The following RGS12 variants were observed in gnomAD, a reference collection of about 807,000 sequenced individuals.
The protein encoded by RGS12 is regulator of G-protein signaling 12.
In RGS12, 66 loss-of-function variants were observed where a neutral mutation model predicts 120.1. The observed-to-expected ratio is 0.55, with a 90% CI of 0.45 to 0.67. The LOEUF is 0.67. Among genes scored for constraint, RGS12 ranks in the 30% least tolerant of loss-of-function variants. The pLI is 0.00. For missense variants in RGS12, 1,859 were observed against 1,957.7 expected, an observed-to-expected ratio of 0.95 and a Z score of 0.95; for synonymous variants, 827 against 804.7, an observed-to-expected ratio of 1.03 and a Z score of -0.47.
At chr4:3,310,710 C>T (rs978008385) in intron 1 of RGS12, among the ~76,000 whole-genome samples, 8 of 150,430 alleles carry the variant, frequency 5.3e-5, no homozygotes, top group Middle Eastern at 3.4e-3. Context: ...GGTGGGTGTT[C>T]GGCAGCTGTG....
At position 3,425,573 on chromosome 4, in the gene RGS12, G is replaced by A. The variant is rs769639262; in HGVS notation, c.3331+13G>A. On this transcript the variant is annotated intron_variant, in intron 14 of 17. Coordinates refer to ENST00000336727, the MANE Select transcript of RGS12 (RefSeq NM_001394154.1). ...TCCAGAGGAAAGGGTGAGTAGGGCTGGTGCAGCGGATGGGGAGAGGGTGAG... is the reference window on the plus strand; with the variant it reads ...TCCAGAGGAAAGGGTGAGTAGGGCTAGTGCAGCGGATGGGGAGAGGGTGAG... 3.0e-5 allele frequency: 48 copies of A among 1,601,102 alleles called. No individual in the cohort carries two copies. Among genetic ancestry groups the A allele is most frequent in the Admixed American group, 8.4e-5 (5 of 59,278 alleles).
chr4:3,403,375 G>T (rs1232051861), intron 4 of RGS12, among the ~76,000 whole-genome samples: 1 of 152,190 alleles, frequency 6.6e-6, no homozygotes, highest in Non-Finnish European at 1.5e-5. Flanking sequence ...CCTCTGCAGG[G>T]CTGTGAGGTC....
chr4:3,297,375 G>C (rs937684138), intron 1 of RGS12, among the ~76,000 whole-genome samples: 5 of 152,212 alleles, frequency 3.3e-5, no homozygotes, highest in African/African-American at 9.7e-5. Flanking sequence ...TAAGTGGTCT[G>C]TTTTCTCAGG....
At chr4:3,302,339 C>T (rs1024266301) in intron 1 of RGS12, among the ~76,000 whole-genome samples, 5 of 140,664 alleles carry the variant, frequency 3.6e-5, no homozygotes, top group Admixed American at 7.1e-5. Context: ...GTCAGGTTGG[C>T]GCCTGTGACG....
At chr4:3,364,686 G>A (rs1315660455) in intron 3 of RGS12, among the ~76,000 whole-genome samples, 1 of 152,012 alleles carries the variant, frequency 6.6e-6, no homozygotes, top group African/African-American at 2.4e-5. Context: ...AGGGAGAGCC[G>A]GGCTGACACC....
chr4:3,432,767 C>T lies in RGS12; in HGVS notation c.4114+1812C>T, dbSNP rs373648297. Among the ~76,000 whole-genome samples, 9 of 152,362 alleles carry T rather than the reference C, an allele frequency of 5.9e-5. No homozygotes were observed. In the South Asian group the frequency reaches 1.9e-3, roughly 32 times the overall value. ...TCCCCGCCCCGCTGGCTCCTCAGCC[C>T]CTGGGCAGGTGGGTACCCTGGATCC... On this transcript the variant is annotated intron_variant, in intron 17 of 17. Coordinates refer to ENST00000336727, the MANE Select transcript of RGS12 (RefSeq NM_001394154.1).
chr4:3,331,629 G>C (rs78356201), intron 2 of RGS12, among the ~76,000 whole-genome samples: 5,797 of 152,070 alleles, frequency 0.038, 291 homozygotes, highest in African/African-American at 0.12. Context: ...AAAAAAAAGT[G>C]TGGATAATTC....
chr4:3,374,502 G>A lies in RGS12; in HGVS notation c.1999-11914G>A, dbSNP rs28627676. Among the ~76,000 whole-genome samples the A allele has an allele frequency of 0.017, 2,601 of 152,088 alleles. 74 individuals carry two copies. The highest frequency in any genetic ancestry group is 0.06 in the African/African-American group (2,494 of 41,450). On this transcript the variant is annotated intron_variant, in intron 3 of 17. Coordinates refer to ENST00000336727, the MANE Select transcript of RGS12 (RefSeq NM_001394154.1). This position sits in a 1 kb window ranked among gnomAD's most constrained non-coding sequence, Gnocchi z 6.3. ...AGTGACAGGTCCACATCTTCTCACC[G>A]TCTCTCCTCGGACATCCAGGAGGCC...
intron 14 of RGS12, 74 bp downstream of exon 14, chr4:3,425,634 TGCAGGGGAGGGGGTGAG>T (rs1560173878): frequency 1.1e-5 from 5 of 443,344 alleles, no homozygotes; most frequent in Admixed American, 4.0e-5. Flanking sequence ...ATGGAGCCGG[TGCAGGGGAGGGGGTGAG>T]TGGGGCCAGT....
chr4:3,362,334 AGAGT>A (rs764929750), intron 3 of RGS12, among the ~76,000 whole-genome samples: 2 of 152,200 alleles, frequency 1.3e-5, no homozygotes, highest in Non-Finnish European at 1.5e-5. Context: ...CATGTCATGA[AGAGT>A]GAGAGTGTGT....
chr4:3,326,081 G>C (rs781583149), intron 2 of RGS12, among the ~76,000 whole-genome samples: 7 of 152,158 alleles, frequency 4.6e-5, no homozygotes, highest in Non-Finnish European at 7.3e-5. Context: ...AAGGGGAAAA[G>C]TTGAAAGCAT....
chr4:3,370,800 A>T (rs1716898694), intron 3 of RGS12, among the ~76,000 whole-genome samples: 1 of 152,258 alleles, frequency 6.6e-6, no homozygotes, highest in South Asian at 2.1e-4. Flanking sequence ...ACTATAGATC[A>T]TATTGGTGAT....
Position 3,365,783 on chromosome 4 carries a change from T to C in RGS12, c.1999-20633T>C, listed in dbSNP as rs930751088. 6.6e-6 allele frequency among the ~76,000 whole-genome samples: 1 copy of C among 152,172 alleles called. No homozygotes were observed. The highest frequency in any genetic ancestry group is 1.5e-5 in the Non-Finnish European group (1 of 68,042). ...CTTGTCTTGGTCTTTCACACACCAG[T>C]CTGCTTTTTAAACCCATTATATGGG... On this transcript the variant is annotated intron_variant, in intron 3 of 17. Transcript: ENST00000336727. The surrounding 1 kb of genome is among the most constrained non-coding windows in gnomAD (Gnocchi z 4.0).
chr4:3,361,884 G>A lies in RGS12; in HGVS notation c.1998+18831G>A, dbSNP rs566369142. On this transcript the variant is annotated intron_variant, in intron 3 of 17. Coordinates refer to ENST00000336727, the MANE Select transcript of RGS12 (RefSeq NM_001394154.1). Reference sequence around the variant, plus strand: ...CCAAGGGCCTAGAAGACAGGCCCACGTGCATCAGTGCCTCTCACAGGACAG... The same window carrying A: ...CCAAGGGCCTAGAAGACAGGCCCACATGCATCAGTGCCTCTCACAGGACAG... Among the ~76,000 whole-genome samples, 56 of 152,286 alleles carry A rather than the reference G, an allele frequency of 3.7e-4. 2 individuals carry two copies. Among genetic ancestry groups the A allele is most frequent in the Admixed American group, 2.6e-3 (40 of 15,294 alleles).
At chr4:3,411,904 T>C (rs946515829) in intron 4 of RGS12, among the ~76,000 whole-genome samples, 14 of 152,260 alleles carry the variant, frequency 9.2e-5, no homozygotes, top group Non-Finnish European at 2.1e-4. Flanking sequence ...TTGCAGTGCG[T>C]GCCGCCCCTT....
intron 1 of RGS12, among the ~76,000 whole-genome samples, chr4:3,294,635 G>C (rs981009500): frequency 1.3e-5 from 2 of 152,162 alleles, no homozygotes; most frequent in Non-Finnish European, 2.9e-5. Context: ...CTCAGGCAAG[G>C]GCAGTGGGGT....
chr4:3,294,049 G>A (rs1723229445), intron 1 of RGS12, among the ~76,000 whole-genome samples: 1 of 41,726 alleles, frequency 2.4e-5, no homozygotes, highest in African/African-American at 2.3e-4. Context: ...CCTCTCACCT[G>A]CTTGGTCACT....
chr4:3,316,918 GAC>G lies in RGS12; in HGVS notation c.750_751del (p.Asp250GlufsTer36). 6.2e-7 allele frequency: 1 copy of G among 1,613,950 alleles called. No individual in the cohort carries two copies. Among genetic ancestry groups the G allele is most frequent in the Non-Finnish European group, 8.5e-7 (1 of 1,180,044 alleles). On this transcript the variant is annotated frameshift_variant, in exon 2 of 18. Transcript: ENST00000336727. LOFTEE classifies it high-confidence loss of function. ...TTCCACGAGCTCCAACCTGGAGTCCGACAGCTTGCAAGCCATCCGCGGCTGCA... is the reference window on the plus strand; with the variant it reads ...TTCCACGAGCTCCAACCTGGAGTCCGAGCTTGCAAGCCATCCGCGGCTGCA... ...LPSTSSNLES[D>X]SLQAIRGCMR...
Position 3,375,780 on chromosome 4 carries a change from G to A in RGS12, c.1999-10636G>A, listed in dbSNP as rs552209128. ...TCATCTCCAGCCTCATCTCCAGCAC[G>A]GGATGAGCTCCTGGTGGCCAGCTGT... On this transcript the variant is annotated intron_variant, in intron 3 of 17. Transcript: ENST00000336727. Among the ~76,000 whole-genome samples, 10 of 152,048 alleles carry A rather than the reference G, an allele frequency of 6.6e-5. No individual in the cohort carries two copies. In the South Asian group the frequency reaches 8.3e-4, roughly 13 times the overall value.
Sources: allele counts gnomAD v4.1 joint callset (sites outside exome capture counted in the v4.1 genomes callset), GRCh38; gene constraint gnomAD v4.1.1; non-coding constraint Gnocchi (gnomAD v3.1); transcripts MANE v1.5; gene names NCBI Gene and HGNC (gene_info 2026-07-23, HGNC 2026-07-21).